AGTPBP1: variants seen among roughly 807,000 people sequenced by gnomAD.
The protein encoded by AGTPBP1 is cytosolic carboxypeptidase 1.
Under a neutral mutation model 143.9 loss-of-function variants are expected in AGTPBP1, and 70 were observed. That is an observed-to-expected ratio of 0.49 (90% confidence interval 0.40 to 0.59). The LOEUF is 0.59. AGTPBP1 is among the 20% of genes least tolerant of loss of function. The pLI, the probability that AGTPBP1 is intolerant of heterozygous loss-of-function variation, is 0.00. For missense variants in AGTPBP1, 1,229 were observed against 1,464.5 expected (o/e 0.84, Z 2.62); for synonymous variants, 463 against 500.2 (o/e 0.93, Z 0.99).
At chr9:85,580,308 GTAAT>G (rs778306537) in intron 23 of AGTPBP1, among the ~76,000 whole-genome samples, 5 of 150,706 alleles carry the variant, frequency 3.3e-5, no homozygotes, top group Non-Finnish European at 5.9e-5. Context: ...ATGATGTGTA[GTAAT>G]TTGAAATTTT....
intron 3 of AGTPBP1, among the ~76,000 whole-genome samples, chr9:85,682,175 A>T (rs1184048418): frequency 1.5e-5 from 2 of 136,750 alleles, no homozygotes; most frequent in Non-Finnish European, 1.6e-5. Flanking sequence ...GATTGGTTAA[A>T]AAAAAAAAAA....
At chr9:85,590,525 G>A (rs550810183) in intron 19 of AGTPBP1, among the ~76,000 whole-genome samples, 1 of 152,024 alleles carries the variant, frequency 6.6e-6, no homozygotes, top group Non-Finnish European at 1.5e-5. Flanking sequence ...TTTTGCCTAT[G>A]TTCTTTCACA....
At chr9:85,630,543 G>T (rs1587778936) in intron 14 of AGTPBP1, among the ~76,000 whole-genome samples, 1 of 152,098 alleles carries the variant, frequency 6.6e-6, no homozygotes, top group African/African-American at 2.4e-5. Context: ...GCAGTGGCAC[G>T]ATCACGGCTC....
chr9:85,632,985 G>C lies in AGTPBP1; in HGVS notation c.1692C>G (p.Val564=). 2 of 1,614,132 alleles carry C rather than the reference G, an allele frequency of 1.2e-6. No homozygotes were observed. The highest frequency in any genetic ancestry group is 2.2e-5 in the East Asian group (1 of 44,880). The change falls in exon 14 of 26, where the codon GTC becomes GTG. Residue 564 remains valine, a synonymous_variant. Transcript: ENST00000357081. ...GTGGACATGCTTTAGCACAGGTAAG[G>C]ACAGTAAGAGGAAGACTGCAGTCCT... ...MKKDCSLPLT[V]LTCAKACPHM...
intron 1 of AGTPBP1, among the ~76,000 whole-genome samples, chr9:85,713,738 A>AT (rs1188028684): frequency 6.6e-6 from 1 of 152,240 alleles, no homozygotes; most frequent in Non-Finnish European, 1.5e-5. Flanking sequence ...CACGACATAC[A>AT]TAATTTTTTT....
intron 11 of AGTPBP1, among the ~76,000 whole-genome samples, chr9:85,653,399 T>C (rs1320820005): frequency 1.3e-5 from 2 of 152,206 alleles, no homozygotes; most frequent in African/African-American, 2.4e-5. Context: ...GAAGCAGGCA[T>C]CAAAGGAACT....
chr9:85,732,458 A>ATTTGAGTT (rs1838954354), intron 1 of AGTPBP1, among the ~76,000 whole-genome samples: 2 of 151,994 alleles, frequency 1.3e-5, no homozygotes, highest in African/African-American at 2.4e-5. Context: ...CTATAACTCA[A>ATTTGAGTT]ATAGTGGTTT....
At chr9:85,628,921 T>C (rs1831479016) in intron 14 of AGTPBP1, among the ~76,000 whole-genome samples, 1 of 152,138 alleles carries the variant, frequency 6.6e-6, no homozygotes, top group South Asian at 2.1e-4. Context: ...TTTACTGTGT[T>C]GGCCAGGATG....
intron 1 of AGTPBP1, among the ~76,000 whole-genome samples, chr9:85,723,610 T>C (rs1399393303): frequency 2.0e-5 from 3 of 152,202 alleles, no homozygotes; most frequent in Non-Finnish European, 2.9e-5. Flanking sequence ...ATGGATTCCC[T>C]TGGCTAAGAA....
the AGTPBP1 span, among the ~76,000 whole-genome samples, chr9:85,758,251 A>C: frequency 1.6e-4 from 24 of 152,194 alleles, no homozygotes; most frequent in Non-Finnish European, 3.1e-4. Flanking sequence ...AGCTGAAAAA[A>C]CTTCACAGAA....
At chr9:85,660,409 C>T (rs1833786241) in intron 9 of AGTPBP1, among the ~76,000 whole-genome samples, 2 of 152,238 alleles carry the variant, frequency 1.3e-5, no homozygotes, top group South Asian at 4.1e-4. Flanking sequence ...GACATATCTA[C>T]TCCAATGCTT....
intron 6 of AGTPBP1, among the ~76,000 whole-genome samples, chr9:85,676,986 G>C (rs567237895): frequency 6.6e-6 from 1 of 152,126 alleles, no homozygotes; most frequent in Non-Finnish European, 1.5e-5. Flanking sequence ...TAAAAAAACT[G>C]ATCTCATGAA....
chr9:85,724,996 C>T (rs1377145763), intron 1 of AGTPBP1, among the ~76,000 whole-genome samples: 2 of 152,138 alleles, frequency 1.3e-5, no homozygotes, highest in Non-Finnish European at 1.5e-5. Context: ...TTCCCTCTAC[C>T]GTGCCTTCCT....
chr9:85,581,378 A>G (rs1828248592), intron 23 of AGTPBP1, among the ~76,000 whole-genome samples: 2 of 152,246 alleles, frequency 1.3e-5, no homozygotes, highest in Admixed American at 1.3e-4. Context: ...TTATTTGTAC[A>G]GTAGCAATGA....
intron 1 of AGTPBP1, among the ~76,000 whole-genome samples, chr9:85,738,052 T>G (rs920539395): frequency 2.0e-4 from 30 of 152,214 alleles, no homozygotes; most frequent in African/African-American, 7.2e-4. Flanking sequence ...CTACCTTATT[T>G]TTTGTTTTAA....
At chr9:85,674,077 C>T (rs1223681259) in intron 6 of AGTPBP1, among the ~76,000 whole-genome samples, 1 of 145,504 alleles carries the variant, frequency 6.9e-6, no homozygotes, top group Non-Finnish European at 1.5e-5. Context: ...GAGCCGAGAT[C>T]GTACCACTGC....
intron 1 of AGTPBP1, chr9:85,741,151 C>G (rs1824235360): frequency 3.3e-6 from 3 of 908,078 alleles, no homozygotes; most frequent in Non-Finnish European, 4.0e-6. Context: ...CCAGGGTGAT[C>G]TGATTCAGGT....
At chr9:85,803,478 C>T in the AGTPBP1 span, among the ~76,000 whole-genome samples, 1 of 152,200 alleles carries the variant, frequency 6.6e-6, no homozygotes, top group Non-Finnish European at 1.5e-5. Flanking sequence ...TGGCACAAAT[C>T]TCTTCGGGTT....
chr9:85,740,422 G>A lies in AGTPBP1; in HGVS notation c.-34+1353C>T, dbSNP rs559057694. Among the ~76,000 whole-genome samples the A allele has an allele frequency of 2.6e-5, 4 of 152,326 alleles. No homozygotes were observed. In the East Asian group the frequency reaches 5.8e-4, roughly 22 times the overall value. ...CTGCCTGCATGATGAGAAACAGTGG[G>A]TAAGGCACGACTTATTATTTCGCAG... On this transcript the variant is annotated intron_variant, in intron 1 of 25. Coordinates refer to ENST00000357081, the MANE Select transcript of AGTPBP1 (RefSeq NM_001330701.2).
Sources: gnomAD v4.1 joint callset for allele counts (sites outside exome capture counted in the v4.1 genomes callset) on GRCh38, gnomAD v4.1.1 for gene constraint, MANE v1.5 for transcripts, NCBI Gene and HGNC (gene_info 2026-07-23, HGNC 2026-07-21) for gene names.